ARHGAP33: variants seen among roughly 807,000 people sequenced by gnomAD.
ARHGAP33 encodes rho GTPase-activating protein 33.
A neutral mutation model predicts 126.2 loss-of-function variants in ARHGAP33; 57 were observed. That is an observed-to-expected ratio of 0.45 (90% CI 0.36 to 0.56). The LOEUF (loss-of-function observed/expected upper bound fraction) is 0.56, where lower values mean the gene tolerates loss of function less well. ARHGAP33 is among the 20% of genes least tolerant of loss of function. ARHGAP33 has a pLI of 0.00. For missense variants in ARHGAP33, 1,500 were observed against 1,748.3 expected (o/e 0.86, Z 2.53); for synonymous variants, 711 against 755.0 (o/e 0.94, Z 0.95).
chr19:35,786,508 T>A lies in ARHGAP33; in HGVS notation c.2038T>A (p.Ser680Thr). Residue 680 changes from serine (S) to threonine (T), a missense_variant, in exon 20 of 21, where the codon TCG becomes ACG. Ser to Thr is a moderately conservative substitution (Grantham distance 58). Around this residue, in one of 6 missense-constraint regions of ARHGAP33, gnomAD observed 300 missense variants for 291.1 expected, o/e 1.03. Transcript: ENST00000007510. This position sits in a 1 kb window ranked among gnomAD's most constrained non-coding sequence, Gnocchi z 7.0. Reference sequence around the variant, plus strand: ...TGCTGGCTCCTGCGAGAGCCTGTCCTCGTCCTCCTCCTCCGAGTCCTCCTC... The same window carrying A: ...TGCTGGCTCCTGCGAGAGCCTGTCCACGTCCTCCTCCTCCGAGTCCTCCTC... Reference protein sequence around the residue: ...APAGSCESLSSSSSSESSSSE... With the variant: ...APAGSCESLSTSSSSESSSSE... 1.3e-6 allele frequency: 2 copies of A among 1,536,030 alleles called. No individual in the cohort carries two copies. The highest frequency in any genetic ancestry group is 1.7e-6 in the Non-Finnish European group (2 of 1,146,840).
intron 19 of ARHGAP33, chr19:35,785,765 C>T: frequency 7.9e-7 from 1 of 1,269,616 alleles, no homozygotes; most frequent in Non-Finnish European, 1.0e-6. Flanking sequence ...CCCATGAACC[C>T]AGCAGCCAGA....
Position 35,786,546 on chromosome 19 carries a change from C to T in ARHGAP33, c.2076C>T (p.Ser692=), listed in dbSNP as rs1380659544. 1 of 1,536,110 alleles carries T rather than the reference C, an allele frequency of 6.5e-7. No individual in the cohort carries two copies. Among genetic ancestry groups the T allele is most frequent in the Non-Finnish European group, 8.7e-7 (1 of 1,146,838 alleles). Residue 692 remains serine, a synonymous_variant, in exon 20 of 21, where the codon TCC becomes TCT. Transcript: ENST00000007510. The surrounding 1 kb of genome is among the most constrained non-coding windows in gnomAD (Gnocchi z 7.0). Reference sequence around the variant, plus strand: ...CCGAGTCCTCCTCCTCTGAGTCCTCCTCTTCCTCCTCTGAGTCCTCAGCAG... The same window carrying T: ...CCGAGTCCTCCTCCTCTGAGTCCTCTTCTTCCTCCTCTGAGTCCTCAGCAG... The part of the protein sequence containing the change: ...SSSESSSSES[S]SSSSESSAAG...
intron 1 of ARHGAP33, among the ~76,000 whole-genome samples, chr19:35,777,073 G>A (rs1409891819): frequency 6.6e-6 from 1 of 152,184 alleles, no homozygotes; most frequent in Non-Finnish European, 1.5e-5. Context: ...AGAGCTCTGA[G>A]AGTGGGGGCA....
intron 15 of ARHGAP33, among the ~76,000 whole-genome samples, chr19:35,783,646 G>A (rs1195010923): frequency 6.6e-6 from 1 of 152,050 alleles, no homozygotes; most frequent in Non-Finnish European, 1.5e-5. Context: ...AGGAGATGAT[G>A]AGGTCAGAGA....
In ARHGAP33 at chr19:35,787,902, G is replaced by A. The variant is rs200040171; in HGVS notation, c.3337G>A (p.Asp1113Asn). The A allele has an allele frequency of 9.0e-6, 13 of 1,444,596 alleles. No individual in the cohort carries two copies. The highest frequency in any genetic ancestry group is 4.9e-5 in the Admixed American group (2 of 41,148). The allele number at this position is 1,444,596 out of a possible 1,614,324, so 89.5% of individuals were successfully genotyped here. ...GAGTCCCTTTCGCTCCATGCCCCCC[G>A]ACAGGCTCAATGCCTCCTACGGCAT... ...SWSPFRSMPP[D>N]RLNASYGMLG... Residue 1113 changes from aspartate (D) to asparagine (N), a missense_variant, in exon 21 of 21, where the codon GAC (aspartate) becomes AAC (asparagine). Physicochemically the swap from Asp to Asn is conservative, Grantham distance 23. Around this residue, in one of 6 missense-constraint regions of ARHGAP33, gnomAD observed 642 missense variants for 634.0 expected, o/e 1.01. Transcript: ENST00000007510.
At position 35,785,353 on chromosome 19, in the gene ARHGAP33, G is replaced by A; in HGVS notation, c.1867+19G>A. 3 of 1,613,952 alleles carry A rather than the reference G, an allele frequency of 1.9e-6. No individual in the cohort carries two copies. Among genetic ancestry groups the A allele is most frequent in the Non-Finnish European group, 2.5e-6 (3 of 1,179,846 alleles). On this transcript the variant is annotated intron_variant, in intron 18 of 20. Coordinates refer to ENST00000007510, the MANE Select transcript of ARHGAP33 (RefSeq NM_001366178.1). Reference sequence around the variant, plus strand: ...CCTTCAGGTGAGAGGCTGAGCCATGGGCTGGTGGGCAGCGATGGTCGCTGG... The same window carrying A: ...CCTTCAGGTGAGAGGCTGAGCCATGAGCTGGTGGGCAGCGATGGTCGCTGG...
Position 35,777,571 on chromosome 19 carries a change from G to A in ARHGAP33, c.7-74G>A, listed in dbSNP as rs764656227. ...GGAGCGCCCGGGGCTCTGGACCCGC[G>A]CTGCCAGATAACAATGCTCTCGTTG... On this transcript the variant is annotated intron_variant, in intron 1 of 20. Coordinates refer to ENST00000007510, the MANE Select transcript of ARHGAP33 (RefSeq NM_001366178.1). 16 of 1,304,768 alleles carry A rather than the reference G, an allele frequency of 1.2e-5. No homozygotes were observed. The Admixed American group carries it at 2.2e-4, about 18-fold the overall frequency. The allele number at this position is 1,304,768 out of a possible 1,614,324, so 80.8% of individuals were successfully genotyped here. A position where few individuals can be genotyped will look rare whatever the true frequency, so the allele number is the denominator to read the frequency against.
chr19:35,788,228 G>T lies in ARHGAP33; in HGVS notation c.3663G>T (p.Arg1221Ser), dbSNP rs772538464. The T allele has an allele frequency of 6.2e-7, 1 of 1,609,240 alleles. No homozygotes were observed. The highest frequency in any genetic ancestry group is 8.5e-7 in the Non-Finnish European group (1 of 1,178,666). The change falls in exon 21 of 21, where the codon AGG (arginine) becomes AGT (serine). Residue 1221 changes from arginine (R) to serine (S), a missense_variant. This residue lies in a region of ARHGAP33 where 642 missense variants were observed against 634.0 expected (regional missense o/e 1.01). Coordinates refer to ENST00000007510, the MANE Select transcript of ARHGAP33 (RefSeq NM_001366178.1). ...CCTGGGGACCCCGTACCCCTCATAG[G>T]GTGCCGGGTCCCTGGGGCCCTCCTG... ...RAPWGPRTPH[R>S]VPGPWGPPEP...
Position 35,787,355 on chromosome 19 carries a change from C to T in ARHGAP33, c.2790C>T (p.Pro930=), listed in dbSNP as rs1972173629. ...CGGTPPASQS[P]FHRSLSLEVG... ...GCACCCCACCTGCTTCCCAATCCCC[C>T]TTCCACCGCTCGCTGTCTCTGGAGG... Residue 930 remains proline, a synonymous_variant, in exon 21 of 21, where the codon CCC becomes CCT. Transcript: ENST00000007510. 2 of 1,610,774 alleles carry T rather than the reference C, an allele frequency of 1.2e-6. No homozygotes were observed. Among genetic ancestry groups the T allele is most frequent in the Non-Finnish European group, 1.7e-6 (2 of 1,178,436 alleles).
Position 35,784,206 on chromosome 19 carries a change from G to A in ARHGAP33, c.1456G>A (p.Ala486Thr), listed in dbSNP as rs1314996512. ...MELESVGMGG[A>T]AAFREVRVQS... is the part of the protein sequence containing the mutation. Reference sequence around the variant, plus strand: ...GCTGGAGTCAGTGGGAATGGGTGGCGCGGCGGCGTTCCGGGAAGTTCGGGT... The same window carrying A: ...GCTGGAGTCAGTGGGAATGGGTGGCACGGCGGCGTTCCGGGAAGTTCGGGT... The change falls in exon 16 of 21, where the codon GCG becomes ACG. Residue 486 changes from alanine to threonine, a missense_variant. Around this residue, in one of 6 missense-constraint regions of ARHGAP33, gnomAD observed 281 missense variants for 413.7 expected, o/e 0.68. Transcript: ENST00000007510. 5.0e-6 allele frequency: 8 copies of A among 1,611,994 alleles called. No homozygotes were observed. The highest frequency in any genetic ancestry group is 1.3e-5 in the African/African-American group (1 of 74,870).
In ARHGAP33 at chr19:35,783,011, G is replaced by C. The variant is rs1452749489; in HGVS notation, c.1421+142G>C. The C allele has an allele frequency of 8.6e-6, 6 of 700,974 alleles. No homozygotes were observed. The South Asian group carries it at 1.1e-4, about 13-fold the overall frequency. 43.4% of individuals were successfully genotyped at this position (700,974 alleles called of 1,614,324 possible). A position where few individuals can be genotyped will look rare whatever the true frequency, so the allele number is the denominator to read the frequency against. ...GGACCTGGCCCCGTCCCTAGCACTG[G>C]GGACCCAGCACTGAGCATGGCCCTG... On this transcript the variant is annotated intron_variant, in intron 15 of 20. Coordinates refer to ENST00000007510, the MANE Select transcript of ARHGAP33 (RefSeq NM_001366178.1).
chr19:35,782,984 A>C lies in ARHGAP33; in HGVS notation c.1421+115A>C. On this transcript the variant is annotated intron_variant, in intron 15 of 20. Coordinates refer to ENST00000007510, the MANE Select transcript of ARHGAP33 (RefSeq NM_001366178.1). The surrounding 1 kb of genome is among the most constrained non-coding windows in gnomAD (Gnocchi z 4.1). ...AATACGTGTCTATCAAATACCTCCC[A>C]TGGACCTGGCCCCGTCCCTAGCACT... 4.4e-6 allele frequency: 4 copies of C among 900,392 alleles called. No homozygotes were observed. Among genetic ancestry groups the C allele is most frequent in the Non-Finnish European group, 6.8e-6 (4 of 585,390 alleles). The allele number at this position is 900,392 out of a possible 1,614,324, so 55.8% of individuals were successfully genotyped here.
chr19:35,780,667 TGGGAGGTGTG>T lies in ARHGAP33; in HGVS notation c.769+26_769+35del, dbSNP rs1185375036. The T allele has an allele frequency of 1.9e-6, 1 of 515,188 alleles. No individual in the cohort carries two copies. Among genetic ancestry groups the T allele is most frequent in the Non-Finnish European group, 3.4e-6 (1 of 297,956 alleles). The allele number at this position is 515,188 out of a possible 1,614,324, so 31.9% of individuals were successfully genotyped here. On this transcript the variant is annotated intron_variant, in intron 9 of 20. Transcript: ENST00000007510. The stretch of plus-strand genomic sequence containing the variant: ...AAGGCGGGTAAGTGCCATGGATGGA[TGGGAGGTGTG>T]GGGAGGGGTGGGAAGGGGTGGGGCC...
chr19:35,776,349 A>G (rs1349753640), intron 1 of ARHGAP33, among the ~76,000 whole-genome samples: 1 of 151,458 alleles, frequency 6.6e-6, no homozygotes, highest in African/African-American at 2.4e-5. Flanking sequence ...GCTCCCGCTC[A>G]TTCATCCATT....
chr19:35,777,693 C>A lies in ARHGAP33; in HGVS notation c.55C>A (p.Pro19Thr). The change falls in exon 2 of 21, where the codon CCT becomes ACT. Residue 19 changes from proline (P) to threonine (T), a missense_variant. Physicochemically the swap from Pro to Thr is conservative, Grantham distance 38. This residue lies in a region of ARHGAP33 where 129 missense variants were observed against 145.9 expected (regional missense o/e 0.88). Transcript: ENST00000007510. ...LDGPGEGSVQ[P>T]LPTAGGPSVK... Reference sequence around the variant, plus strand: ...TGGCCCAGGGGAGGGCTCGGTGCAGCCTCTACCCACTGCTGGGGGGCCCAG... The same window carrying A: ...TGGCCCAGGGGAGGGCTCGGTGCAGACTCTACCCACTGCTGGGGGGCCCAG... 1 of 1,598,670 alleles carries A rather than the reference C, an allele frequency of 6.3e-7. No homozygotes were observed. Among genetic ancestry groups the A allele is most frequent in the South Asian group, 1.1e-5 (1 of 89,326 alleles).
Position 35,784,175 on chromosome 19 carries a change from C to T in ARHGAP33, c.1425C>T (p.Ser475=). The change falls in exon 16 of 21, where the codon TCC becomes TCT. Residue 475 remains serine, a synonymous_variant. Transcript: ENST00000007510. ...CCCTCCCGCTCCTCCCACCCAGGTCCATGGAGCTGGAGTCAGTGGGAATGG... is the reference window on the plus strand; with the variant it reads ...CCCTCCCGCTCCTCCCACCCAGGTCTATGGAGCTGGAGTCAGTGGGAATGG... The part of the protein sequence containing the change: ...AIVWAPNLLR[S]MELESVGMGG... 1 of 1,610,714 alleles carries T rather than the reference C, an allele frequency of 6.2e-7. No individual in the cohort carries two copies. Among genetic ancestry groups the T allele is most frequent in the Non-Finnish European group, 8.5e-7 (1 of 1,178,114 alleles).
chr19:35,785,541 T>C (rs967118097), intron 19 of ARHGAP33, 58 bp downstream of exon 19: 38 of 1,606,452 alleles, frequency 2.4e-5, no homozygotes, highest in Non-Finnish European at 3.2e-5. Flanking sequence ...CCGGGAGGAA[T>C]TGGGGCCCTG....
At chr19:35,784,557 T>C in intron 16 of ARHGAP33, 2 of 1,308,870 alleles carry the variant, frequency 1.5e-6, no homozygotes, top group East Asian at 3.1e-5. Context: ...CCCTTGTAGC[T>C]CCTGGGGGCG....
At chr19:35,779,182 G>C (rs1403506958) in intron 6 of ARHGAP33, 58 bp downstream of exon 6, 1 of 1,368,356 alleles carries the variant, frequency 7.3e-7, no homozygotes, top group South Asian at 1.3e-5. Flanking sequence ...TCTGAGGGGC[G>C]AGAAGCAGCC....
Sources: gnomAD v4.1 joint callset for allele counts (sites outside exome capture counted in the v4.1 genomes callset) on GRCh38, gnomAD v4.1.1 for gene constraint, gnomAD v4.1.1 regional missense constraint, Gnocchi (gnomAD v3.1) non-coding constraint, MANE v1.5 for transcripts, NCBI Gene and HGNC (gene_info 2026-07-23, HGNC 2026-07-21) for gene names.